ROBO2: variants seen among roughly 807,000 people sequenced by gnomAD.
ROBO2 encodes roundabout guidance receptor 2.
In ROBO2, 53 loss-of-function variants were observed where a neutral mutation model predicts 160.8. The observed-to-expected ratio is 0.33, with a 90% CI of 0.26 to 0.41. ROBO2 has a LOEUF of 0.41. ROBO2 is among the 10% of genes least tolerant of loss of function. ROBO2 has a pLI of 1.00. For synonymous variants in ROBO2, 664 were observed against 611.7 expected (o/e 1.09, Z -1.26); for missense variants, 1,577 against 1,722.4 (o/e 0.92, Z 1.49).
chr3:77,428,912 T>A lies in ROBO2; in HGVS notation c.389-48502T>A, dbSNP rs11715165. 4.9e-3 allele frequency among the ~76,000 whole-genome samples: 750 copies of A among 152,256 alleles called. 3 individuals are homozygous for A. Among genetic ancestry groups the A allele is most frequent in the Middle Eastern group, 0.017 (5 of 294 alleles). The stretch of plus-strand genomic sequence containing the variant: ...AAAATGCATTTTCTGTCAAAACTCA[T>A]AGAGTTTGAGTTTTTAAAAAGTTTA... On this transcript the variant is annotated intron_variant, in intron 2 of 25. Transcript: ENST00000461745.
At chr3:77,089,037 T>C (rs1046380838) in intron 1 of ROBO2, among the ~76,000 whole-genome samples, 1 of 152,150 alleles carries the variant, frequency 6.6e-6, no homozygotes, top group African/African-American at 2.4e-5. Context: ...AAGTTTGGGA[T>C]GAATAAATAG....
chr3:76,265,749 G>C (rs1707061061), intron 2 of ROBO2, among the ~76,000 whole-genome samples: 3 of 152,154 alleles, frequency 2.0e-5, no homozygotes, highest in African/African-American at 7.2e-5. Flanking sequence ...AGAACCAGAG[G>C]TTGAACAAAG....
intron 2 of ROBO2, among the ~76,000 whole-genome samples, chr3:77,164,191 T>C (rs2078741926): frequency 6.6e-6 from 1 of 152,218 alleles, no homozygotes; most frequent in Non-Finnish European, 1.5e-5. Context: ...GGTACGAATC[T>C]ACAATTATCT....
At chr3:76,369,063 A>G (rs868747941) in intron 2 of ROBO2, among the ~76,000 whole-genome samples, 1 of 151,830 alleles carries the variant, frequency 6.6e-6, no homozygotes, top group South Asian at 2.1e-4. Context: ...TCACCTTCAA[A>G]CTTCTCACTA....
chr3:77,522,488 A>T (rs775779), intron 5 of ROBO2, among the ~76,000 whole-genome samples: 1 of 150,964 alleles, frequency 6.6e-6, no homozygotes, highest in East Asian at 2.0e-4. Flanking sequence ...CAAGAGCTAC[A>T]AAATAAAGGT....
intron 2 of ROBO2, among the ~76,000 whole-genome samples, chr3:76,852,294 C>T (rs1385442387): frequency 1.3e-5 from 2 of 152,108 alleles, no homozygotes; most frequent in Non-Finnish European, 2.9e-5. Context: ...TAGAGCTTGG[C>T]ATATTTGCTT....
Position 77,384,464 on chromosome 3 carries a change from C to T in ROBO2, c.389-92950C>T, listed in dbSNP as rs1236199245. The stretch of plus-strand genomic sequence containing the variant: ...CCAGGAGTAGAAAGTATTCCTGATA[C>T]TCGATAAACCAGTCCTCTCTGAACA... On this transcript the variant is annotated intron_variant, in intron 2 of 25. Coordinates refer to ENST00000461745, the Ensembl canonical transcript of ROBO2. Among the ~76,000 whole-genome samples the T allele has an allele frequency of 2.6e-5, 4 of 152,120 alleles. No individual in the cohort carries two copies. The East Asian group carries it at 7.7e-4, about 29-fold the overall frequency.
At chr3:76,832,750 CAAA>C (rs995596757) in intron 2 of ROBO2, among the ~76,000 whole-genome samples, 67 of 152,204 alleles carry the variant, frequency 4.4e-4, no homozygotes, top group African/African-American at 1.5e-3. Flanking sequence ...AAGTAAGTGA[CAAA>C]GAACAGGGAA....
At chr3:77,155,328 C>G (rs577080938) in intron 2 of ROBO2, among the ~76,000 whole-genome samples, 55 of 152,038 alleles carry the variant, frequency 3.6e-4, no homozygotes, top group Non-Finnish European at 6.8e-4. Flanking sequence ...CAAGTGGGCT[C>G]AGTGAAATCA....
chr3:76,547,857 T>C (rs2083198212), intron 2 of ROBO2, among the ~76,000 whole-genome samples: 1 of 152,130 alleles, frequency 6.6e-6, no homozygotes, highest in South Asian at 2.1e-4. Flanking sequence ...AAGGTTAATT[T>C]AAAGTGATTA....
At chr3:77,299,263 A>G (rs775378127) in intron 2 of ROBO2, among the ~76,000 whole-genome samples, 6 of 152,150 alleles carry the variant, frequency 3.9e-5, no homozygotes, top group Non-Finnish European at 8.8e-5. Flanking sequence ...AATGGAATAG[A>G]TAGGTGTGGT....
At chr3:76,567,620 GATATATAT>G (rs1201854439) in intron 2 of ROBO2, among the ~76,000 whole-genome samples, 6 of 33,298 alleles carry the variant, frequency 1.8e-4, no homozygotes, top group African/African-American at 4.8e-4. Context: ...CCAAACTACT[GATATATAT>G]ATATATATAT....
intron 2 of ROBO2, among the ~76,000 whole-genome samples, chr3:76,918,583 T>G (rs374117626): frequency 1.7e-4 from 26 of 152,256 alleles, no homozygotes; most frequent in African/African-American, 6.0e-4. Flanking sequence ...TGTAATACAG[T>G]AATGCTTTGT....
chr3:77,317,635 T>C, intron 2 of ROBO2: 1 of 434,264 alleles, frequency 2.3e-6, no homozygotes, highest in Non-Finnish European at 3.9e-6. Context: ...CGGCGGGCTC[T>C]GCGGGGGCTG....
intron 2 of ROBO2, among the ~76,000 whole-genome samples, chr3:77,185,079 C>T (rs894208813): frequency 1.3e-4 from 20 of 151,898 alleles, no homozygotes; most frequent in South Asian, 2.1e-4. Flanking sequence ...CTGGGTTCAG[C>T]GCTGCCATAA....
chr3:75,962,661 A>G (rs148730629), intron 2 of ROBO2, among the ~76,000 whole-genome samples: 4,222 of 151,924 alleles, frequency 0.028, 92 homozygotes, highest in Non-Finnish European at 0.043. Flanking sequence ...AGTATATTTT[A>G]TGTTTCCTTC....
intron 6 of ROBO2, among the ~76,000 whole-genome samples, chr3:77,524,550 T>G (rs1403934982): frequency 6.6e-6 from 1 of 151,348 alleles, no homozygotes; most frequent in Non-Finnish European, 1.5e-5. Context: ...AAACAAATGG[T>G]GAGAAAACGT....
intron 2 of ROBO2, among the ~76,000 whole-genome samples, chr3:77,291,298 T>C (rs1368378820): frequency 1.3e-5 from 2 of 151,286 alleles, no homozygotes; most frequent in Non-Finnish European, 2.9e-5. Flanking sequence ...TAAAGCAAAA[T>C]TGACGGTTAA....
chr3:76,041,949 C>G (rs1161262275), intron 2 of ROBO2, among the ~76,000 whole-genome samples: 1 of 149,914 alleles, frequency 6.7e-6, no homozygotes, highest in Admixed American at 6.6e-5. Context: ...CTGACAGCAC[C>G]AGGCATGTGT....
Sources: allele counts gnomAD v4.1 joint callset (sites outside exome capture counted in the v4.1 genomes callset), GRCh38; gene constraint gnomAD v4.1.1; transcripts MANE v1.5; gene names NCBI Gene and HGNC (gene_info 2026-07-23, HGNC 2026-07-21).